The following DNAJC17 variants were observed in gnomAD, a reference collection of about 807,000 sequenced individuals.
DNAJC17 encodes the protein dnaJ homolog subfamily C member 17.
Under a neutral mutation model 48.1 loss-of-function variants are expected in DNAJC17, and 35 were observed. The observed-to-expected ratio is 0.73, with a 90% CI of 0.56 to 0.96. The LOEUF is 0.96. DNAJC17 is among the 50% of genes least tolerant of loss of function. DNAJC17 has a pLI of 0.00. For missense variants in DNAJC17, 355 were observed against 377.1 expected (o/e 0.94, Z 0.48); for synonymous variants, 117 against 142.7 (o/e 0.82, Z 1.28).
chr15:40,781,627 A>C (rs1889491225), intron 1 of DNAJC17, among the ~76,000 whole-genome samples: 1 of 151,844 alleles, frequency 6.6e-6, no homozygotes, highest in Non-Finnish European at 1.5e-5. Context: ...CTTATTATAA[A>C]CTTTTGAGTT....
rs1889053248 is a variant in DNAJC17, at chr15:40,769,358, G to T, written c.793-1296C>A. Among the ~76,000 whole-genome samples, 1 of 152,194 alleles carries T rather than the reference G, an allele frequency of 6.6e-6. No individual in the cohort carries two copies. Among genetic ancestry groups the T allele is most frequent in the South Asian group, 2.1e-4 (1 of 4,836 alleles). On this transcript the variant is annotated intron_variant, in intron 10 of 10. Transcript: ENST00000220496. The surrounding 1 kb of genome is among the most constrained non-coding windows in gnomAD (Gnocchi z 4.2). ...CCGGCCTTCAGCAGCCGCTCTCCTG[G>T]CAGGAGCCCTCTAGGGTAAAACAAG... is the stretch of plus-strand genomic sequence containing the variant.
intron 1 of DNAJC17, among the ~76,000 whole-genome samples, chr15:40,798,896 GC>G (rs1890003299): frequency 6.6e-6 from 1 of 152,160 alleles, no homozygotes; most frequent in African/African-American, 2.4e-5. Context: ...CAGCCGTGGT[GC>G]CCCGCCTTGT....
rs759781993 is a variant in DNAJC17 at position 40,770,575 on chromosome 15, G to A, written c.793-2513C>T. The A allele has an allele frequency of 6.5e-5, 101 of 1,550,502 alleles. 2 individuals are homozygous for A. The East Asian group carries it at 1.7e-3, about 26-fold the overall frequency. ...AGCCTGGGGCGGCCACGGCGGCTCC[G>A]GCGACAGAGTAGTGTGCTTAGCCAG... On this transcript the variant is annotated intron_variant, in intron 10 of 10. Coordinates refer to ENST00000220496, the MANE Select transcript of DNAJC17 (RefSeq NM_018163.3). This position sits in a 1 kb window ranked among gnomAD's most constrained non-coding sequence, Gnocchi z 5.0.
Position 40,767,138 on chromosome 15 carries a change from T to C in DNAJC17, c.*802A>G, listed in dbSNP as rs755769736. 2.8e-5 allele frequency: 38 copies of C among 1,352,492 alleles called. No homozygotes were observed. Among genetic ancestry groups the C allele is most frequent in the Non-Finnish European group, 3.7e-5 (38 of 1,026,756 alleles). The allele number at this position is 1,352,492 out of a possible 1,614,324, so 83.8% of individuals were successfully genotyped here. A position where few individuals can be genotyped will look rare whatever the true frequency, so the allele number is the denominator to read the frequency against. On this transcript the variant is annotated 3_prime_UTR_variant, in exon 11 of 11. Transcript: ENST00000220496. Reference sequence around the variant, plus strand: ...CAGCAAGTGTGAGTCACTACAAGAGTGGCCAGGCTGCCTGCTGCAGACACT... The same window carrying C: ...CAGCAAGTGTGAGTCACTACAAGAGCGGCCAGGCTGCCTGCTGCAGACACT...
At chr15:40,779,346 T>A in intron 3 of DNAJC17, 36 bp from the exon 4 acceptor site, 1 of 1,610,310 alleles carries the variant, frequency 6.2e-7, no homozygotes, top group Non-Finnish European at 8.5e-7. Flanking sequence ...AGAGGGTCAG[T>A]GAGAGAGTAA....
intron 1 of DNAJC17, among the ~76,000 whole-genome samples, chr15:40,785,092 C>T (rs1329088987): frequency 6.6e-6 from 1 of 151,892 alleles, no homozygotes; most frequent in Non-Finnish European, 1.5e-5. Flanking sequence ...GAGTGAAAGT[C>T]CATAACAACA....
intron 1 of DNAJC17, among the ~76,000 whole-genome samples, chr15:40,800,358 G>A (rs112313446): frequency 0.051 from 7,737 of 152,180 alleles, 675 homozygotes; most frequent in African/African-American, 0.18. Flanking sequence ...GTGTGCCACC[G>A]CACCTGGCCT....
chr15:40,796,902 G>A (rs998077329), intron 1 of DNAJC17, among the ~76,000 whole-genome samples: 13 of 152,130 alleles, frequency 8.5e-5, no homozygotes, highest in Non-Finnish European at 1.8e-4. Flanking sequence ...TGGGACTACG[G>A]GCGTGCGCCA....
rs1890161360 is a variant in DNAJC17, at chr15:40,804,905, G to A, written c.78+2464C>T. Among the ~76,000 whole-genome samples, 5 of 152,224 alleles carry A rather than the reference G, an allele frequency of 3.3e-5. No homozygotes were observed. In the South Asian group the frequency reaches 1.0e-3, roughly 32 times the overall value. ...TAATCCCAGCTGCTCAGGAGGCTGAGGCAGGAGAATTCCCTGAACCTGGGG... is the reference window on the plus strand; with the variant it reads ...TAATCCCAGCTGCTCAGGAGGCTGAAGCAGGAGAATTCCCTGAACCTGGGG... On this transcript the variant is annotated intron_variant, in intron 1 of 10. Transcript: ENST00000220496.
At chr15:40,795,759 G>C (rs1396725565) in intron 1 of DNAJC17, among the ~76,000 whole-genome samples, 3 of 152,284 alleles carry the variant, frequency 2.0e-5, no homozygotes, top group South Asian at 2.1e-4. Context: ...GCTGGGCGTG[G>C]TGGTGGGCAC....
At chr15:40,768,166 A>G in intron 10 of DNAJC17, 104 bp from the exon 11 acceptor site, 1 of 1,379,396 alleles carries the variant, frequency 7.2e-7, no homozygotes. Context: ...AGAGTCTCGG[A>G]GGGAGGACGG....
intron 1 of DNAJC17, among the ~76,000 whole-genome samples, chr15:40,798,825 T>C (rs1380625116): frequency 6.6e-6 from 1 of 152,160 alleles, no homozygotes; most frequent in African/African-American, 2.4e-5. Context: ...TGAGATTACT[T>C]TGGAATCTCT....
intron 8 of DNAJC17, 194 bp downstream of exon 8, chr15:40,774,837 G>A: frequency 1.6e-6 from 1 of 633,356 alleles, no homozygotes; most frequent in South Asian, 2.0e-5. Context: ...CTGGAAGGGG[G>A]CACATGGCCA....
chr15:40,773,968 A>C, intron 9 of DNAJC17, 131 bp from the exon 10 acceptor site: 1 of 789,950 alleles, frequency 1.3e-6, no homozygotes, highest in South Asian at 1.8e-5. Context: ...AGCAGCCTTC[A>C]AGTGATGGGT....
chr15:40,791,572 C>T (rs749971307), intron 1 of DNAJC17, among the ~76,000 whole-genome samples: 44 of 151,966 alleles, frequency 2.9e-4, no homozygotes, highest in Middle Eastern at 3.2e-3. Context: ...CAGCTGGTCG[C>T]AGTGGCTCAC....
In DNAJC17 at chr15:40,765,322, C is replaced by T. The variant is rs1888924818; in HGVS notation, c.*2618G>A. 6.6e-6 allele frequency: 1 copy of T among 152,360 alleles called. No homozygotes were observed. Among genetic ancestry groups the T allele is most frequent in the Admixed American group, 6.5e-5 (1 of 15,278 alleles). 9.4% of individuals were successfully genotyped at this position (152,360 alleles called of 1,614,324 possible). A position where few individuals can be genotyped will look rare whatever the true frequency, so the allele number is the denominator to read the frequency against. Reference sequence around the variant, plus strand: ...ATTTCTAATACCCCAAAAGGAAACCCTGTACCCACTGGCAGACACTCTTGA... The same window carrying T: ...ATTTCTAATACCCCAAAAGGAAACCTTGTACCCACTGGCAGACACTCTTGA... On this transcript the variant is annotated 3_prime_UTR_variant, in exon 11 of 11. Coordinates refer to ENST00000220496, the MANE Select transcript of DNAJC17 (RefSeq NM_018163.3).
chr15:40,791,928 G>A (rs1239933285), intron 1 of DNAJC17, among the ~76,000 whole-genome samples: 1 of 152,202 alleles, frequency 6.6e-6, no homozygotes, highest in African/African-American at 2.4e-5. Context: ...AAGAGGTTCT[G>A]GGAAAAGCCC....
intron 10 of DNAJC17, among the ~76,000 whole-genome samples, chr15:40,773,203 GC>G: frequency 6.6e-6 from 1 of 152,014 alleles, no homozygotes; most frequent in East Asian, 1.9e-4. Context: ...CAGGTGATCC[GC>G]CCCCCTCGGC....
rs930503318 is a variant in DNAJC17, at chr15:40,776,589, T to G, written c.334A>C (p.Ser112Arg). The stretch of plus-strand genomic sequence containing the variant: ...CTCCGGCTCTCCTCTTCCTCCTCAC[T>G]CTCCTGGGCCTGGGCCTGCCGCTCC... ...ARERQAQAQE[S>R]EEEEESRSTR... The change falls in exon 5 of 11, where the codon AGT becomes CGT. Residue 112 changes from serine (S) to arginine (R), a missense_variant. Physicochemically the swap from Ser to Arg is moderately radical, Grantham distance 110. Coordinates refer to ENST00000220496, the MANE Select transcript of DNAJC17 (RefSeq NM_018163.3). The G allele has an allele frequency of 3.1e-6, 5 of 1,613,710 alleles. No individual in the cohort carries two copies. Among genetic ancestry groups the G allele is most frequent in the Non-Finnish European group, 8.5e-7 (1 of 1,179,964 alleles).
Sources: allele counts gnomAD v4.1 joint callset (sites outside exome capture counted in the v4.1 genomes callset), GRCh38; gene constraint gnomAD v4.1.1; non-coding constraint Gnocchi (gnomAD v3.1); transcripts MANE v1.5; gene names NCBI Gene and HGNC (gene_info 2026-07-23, HGNC 2026-07-21).